The following GFRA1 variants were observed in gnomAD, a reference collection of about 807,000 sequenced individuals.
GFRA1 encodes GDNF family receptor alpha-1.
GFRA1 carries 16 observed loss-of-function variants against 51.6 expected under a neutral mutation model. The ratio of observed to expected loss-of-function variants is 0.31; its 90% confidence interval spans 0.21 to 0.47. The LOEUF is 0.47. Among genes scored for constraint, GFRA1 ranks in the 20% least tolerant of loss-of-function variants. The pLI is 1.00. For synonymous variants in GFRA1, 270 were observed against 241.3 expected (o/e 1.12, Z -1.10); for missense variants, 530 against 594.3 (o/e 0.89, Z 1.13).
upstream of GFRA1, among the ~76,000 whole-genome samples, chr10:116,273,730 G>A (rs937221109): frequency 1.3e-5 from 2 of 151,560 alleles, no homozygotes; most frequent in African/African-American, 4.9e-5. Context: ...ACACATACAC[G>A]GGCACAAGGG....
At chr10:116,101,981 C>T (rs946174119) in intron 6 of GFRA1, among the ~76,000 whole-genome samples, 3 of 152,200 alleles carry the variant, frequency 2.0e-5, no homozygotes, top group Non-Finnish European at 4.4e-5. Flanking sequence ...ATTATTCTTA[C>T]CCATATTCCA....
intron 4 of GFRA1, among the ~76,000 whole-genome samples, chr10:116,256,474 T>C (rs1968865520): frequency 1.3e-5 from 2 of 152,234 alleles, no homozygotes; most frequent in South Asian, 4.1e-4. Flanking sequence ...GCCCCATTGA[T>C]GTCATAAAAA....
chr10:116,142,896 G>A (rs1958631914), intron 5 of GFRA1, among the ~76,000 whole-genome samples: 1 of 152,130 alleles, frequency 6.6e-6, no homozygotes, highest in South Asian at 2.1e-4. Flanking sequence ...GATTAAAGCT[G>A]AAATTGGCCT....
rs556218528 is a variant in GFRA1, at chr10:116,185,581, A to G, written c.433+26050T>C. On this transcript the variant is annotated intron_variant, in intron 5 of 10. Transcript: ENST00000355422. ...TCAATGACTGACTAGTGTTGGATTC[A>G]GAAGCCCAGCTCTTTGCCTCTGGGC... 5.4e-4 allele frequency among the ~76,000 whole-genome samples: 83 copies of G among 152,300 alleles called. 1 individual carries two copies. The South Asian group carries it at 0.017, about 31-fold the overall frequency.
chr10:116,273,023 C>T (rs546972461), intron 1 of GFRA1, 140 bp downstream of exon 1: 1 of 152,000 alleles, frequency 6.6e-6, no homozygotes, highest in South Asian at 2.1e-4. Flanking sequence ...GCCACGAGCG[C>T]CCCCCGGGCC....
chr10:116,274,213 C>G (rs1844138566), upstream of GFRA1, among the ~76,000 whole-genome samples: 2 of 132,298 alleles, frequency 1.5e-5, no homozygotes, highest in South Asian at 2.6e-4. Flanking sequence ...CGCCGGGGGG[C>G]GCCCGGGGCA....
chr10:116,115,833 TGTGCACTTCACGA>T (rs1957390919), intron 6 of GFRA1, among the ~76,000 whole-genome samples: 1 of 152,164 alleles, frequency 6.6e-6, no homozygotes, highest in South Asian at 2.1e-4. Context: ...GTAGTATGCC[TGTGCACTTCACGA>T]GTGCTAGCAG....
rs576592573 is a variant in GFRA1, at chr10:116,067,764, G to C, written c.1198-2138C>G. ...TTTCTGACCCTCATTAGTCACGGAG[G>C]GTTTCACACTACATTCAGAATTTAT... On this transcript the variant is annotated intron_variant, in intron 9 of 10. Transcript: ENST00000355422. 8.5e-5 allele frequency among the ~76,000 whole-genome samples: 13 copies of C among 152,194 alleles called. No individual in the cohort carries two copies. In the East Asian group the frequency reaches 1.9e-3, roughly 23 times the overall value.
intron 5 of GFRA1, among the ~76,000 whole-genome samples, chr10:116,149,204 G>A (rs557278251): frequency 1.3e-5 from 2 of 152,152 alleles, no homozygotes; most frequent in African/African-American, 4.8e-5. Context: ...TAACAATGAA[G>A]TCATTACTCT....
At chr10:116,247,373 G>A (rs2134670571) in intron 4 of GFRA1, among the ~76,000 whole-genome samples, 1 of 152,348 alleles carries the variant, frequency 6.6e-6, no homozygotes, top group East Asian at 1.9e-4. Flanking sequence ...CCTATTTACA[G>A]TTAAGAGATT....
chr10:116,064,937 T>G (rs1184541167), intron 10 of GFRA1, among the ~76,000 whole-genome samples: 2 of 152,128 alleles, frequency 1.3e-5, no homozygotes, highest in Non-Finnish European at 2.9e-5. Flanking sequence ...GCCAGTTCAA[T>G]CCCAGATTTT....
intron 5 of GFRA1, among the ~76,000 whole-genome samples, chr10:116,194,247 C>A (rs1223515304): frequency 6.6e-6 from 1 of 151,954 alleles, no homozygotes; most frequent in Non-Finnish European, 1.5e-5. Context: ...ATCAATGTTG[C>A]CAAAGTGGAC....
At chr10:116,242,385 G>C (rs1027520345) in intron 4 of GFRA1, among the ~76,000 whole-genome samples, 18 of 152,028 alleles carry the variant, frequency 1.2e-4, no homozygotes, top group Non-Finnish European at 2.6e-4. Context: ...CACATAAGCA[G>C]GTAACGATAA....
Position 116,132,885 on chromosome 10 carries a change from C to G in GFRA1, c.434-7328G>C, listed in dbSNP as rs1181187758. On this transcript the variant is annotated intron_variant, in intron 5 of 10. Coordinates refer to ENST00000355422, the MANE Select transcript of GFRA1 (RefSeq NM_005264.8). The stretch of plus-strand genomic sequence containing the variant: ...CACACACCGCACGGAGGATCAGGAG[C>G]CCGCCTGTGTTTTACGGTCTGGGCA... Among the ~76,000 whole-genome samples the G allele has an allele frequency of 3.9e-5, 6 of 152,294 alleles. No individual in the cohort carries two copies. The East Asian group carries it at 5.8e-4, about 15-fold the overall frequency.
intron 6 of GFRA1, among the ~76,000 whole-genome samples, chr10:116,113,963 C>T (rs1313782620): frequency 3.3e-5 from 5 of 152,188 alleles, no homozygotes; most frequent in African/African-American, 7.2e-5. Flanking sequence ...ACCATGTCCC[C>T]GGCTCTGTGC....
rs929707613 is a variant in GFRA1, at chr10:116,062,012, T to G, written c.*2386A>C. On this transcript the variant is annotated 3_prime_UTR_variant, in exon 11 of 11. Coordinates refer to ENST00000355422, the MANE Select transcript of GFRA1 (RefSeq NM_005264.8). ...GGTAACTTGAATATGCTTTTATCAC[T>G]GAAGAAAAATGAGATATTTGTTGGT... 1.3e-5 allele frequency: 5 copies of G among 398,478 alleles called. No homozygotes were observed. The highest frequency in any genetic ancestry group is 6.2e-5 in the African/African-American group (3 of 48,634). 24.7% of individuals were successfully genotyped at this position (398,478 alleles called of 1,614,324 possible).
chr10:116,084,363 C>G (rs879899805), intron 9 of GFRA1, among the ~76,000 whole-genome samples: 1 of 152,202 alleles, frequency 6.6e-6, no homozygotes, highest in African/African-American at 2.4e-5. Context: ...TCACACTGGT[C>G]CTCCATGTCT....
At position 116,141,571 on chromosome 10, in the gene GFRA1, CTCT is replaced by C; in HGVS notation, c.434-16017_434-16015del. 2.0e-5 allele frequency among the ~76,000 whole-genome samples: 3 copies of C among 146,712 alleles called. No individual in the cohort carries two copies. In the South Asian group the frequency reaches 6.5e-4, roughly 32 times the overall value. ...CATTCACAGATTTTGGACCTATGTC[CTCT>C]TCTTTTTTTTGAGGGGGTGGTGGGC... On this transcript the variant is annotated intron_variant, in intron 5 of 10. Transcript: ENST00000355422.
chr10:116,241,307 A>C (rs1202321380), intron 4 of GFRA1, among the ~76,000 whole-genome samples: 4 of 152,192 alleles, frequency 2.6e-5, no homozygotes, highest in Non-Finnish European at 5.9e-5. Context: ...TCTTGCAAGC[A>C]TTTCAAATTT....
Sources: allele counts gnomAD v4.1 joint callset (sites outside exome capture counted in the v4.1 genomes callset), GRCh38; gene constraint gnomAD v4.1.1; transcripts MANE v1.5; gene names NCBI Gene and HGNC (gene_info 2026-07-23, HGNC 2026-07-21).